The following LRP1B variants were observed in gnomAD, a reference collection of about 807,000 sequenced individuals.
The protein encoded by LRP1B is low-density lipoprotein receptor-related protein 1B.
In LRP1B, 217 loss-of-function variants were observed where a neutral mutation model predicts 556.6. The observed-to-expected ratio is 0.39, with a 90% CI of 0.35 to 0.44. LRP1B has a LOEUF of 0.44. Among genes scored for constraint, LRP1B ranks in the 20% least tolerant of loss-of-function variants. The pLI is 1.00. For missense variants in LRP1B, 5,053 were observed against 5,620.8 expected (o/e 0.90, Z 3.23); for synonymous variants, 2,047 against 1,865.8 (o/e 1.10, Z -2.50).
chr2:141,312,997 T>C (rs535061016), intron 3 of LRP1B, among the ~76,000 whole-genome samples: 2 of 152,246 alleles, frequency 1.3e-5, no homozygotes, highest in African/African-American at 4.8e-5. Flanking sequence ...TTCTTTTATT[T>C]AAAAACTTTC....
intron 1 of LRP1B, among the ~76,000 whole-genome samples, chr2:142,023,696 T>G (rs1255586701): frequency 2.0e-5 from 3 of 152,208 alleles, no homozygotes; most frequent in African/African-American, 7.2e-5. Flanking sequence ...AATTAATGAA[T>G]TTCTAAAAGT....
At chr2:141,624,036 C>CAAAAAAAAAAAAAAAAAAAAAA in intron 2 of LRP1B, among the ~76,000 whole-genome samples, 139 of 90,682 alleles carry the variant, frequency 1.5e-3, no homozygotes, top group East Asian at 2.2e-3. Context: ...AAAAATTAAA[C>CAAAAAAAAAAAAAAAAAAAAAA]AAAAAAAAAA....
intron 41 of LRP1B, among the ~76,000 whole-genome samples, chr2:140,617,391 A>T (rs564485210): frequency 6.6e-6 from 1 of 151,990 alleles, no homozygotes; most frequent in Admixed American, 6.6e-5. Context: ...TTATCAACAA[A>T]TCTAGTTATA....
chr2:141,818,825 C>T (rs980724003), intron 1 of LRP1B, among the ~76,000 whole-genome samples: 2 of 151,602 alleles, frequency 1.3e-5, no homozygotes, highest in South Asian at 4.2e-4. Context: ...CGTGAGCTAC[C>T]GCACCTGGAT....
intron 35 of LRP1B, among the ~76,000 whole-genome samples, chr2:140,751,061 C>T (rs891184533): frequency 1.6e-4 from 23 of 143,766 alleles, no homozygotes; most frequent in Admixed American, 5.9e-4. Context: ...GGCGTGATCT[C>T]GGCTCACTGC....
At chr2:141,328,253 G>T (rs1687501960) in intron 3 of LRP1B, among the ~76,000 whole-genome samples, 1 of 152,092 alleles carries the variant, frequency 6.6e-6, no homozygotes, top group South Asian at 2.1e-4. Flanking sequence ...AACTTTCTCA[G>T]CTGTAACCTG....
At chr2:142,016,773 C>T (rs1401458993) in intron 1 of LRP1B, among the ~76,000 whole-genome samples, 1 of 150,732 alleles carries the variant, frequency 6.6e-6, no homozygotes, top group Non-Finnish European at 1.5e-5. Context: ...ACGTGTATAC[C>T]TATGTAACAA....
At chr2:141,394,058 C>T (rs1004288673) in intron 3 of LRP1B, among the ~76,000 whole-genome samples, 2 of 151,860 alleles carry the variant, frequency 1.3e-5, no homozygotes, top group Non-Finnish European at 2.9e-5. Context: ...ATACTATGTC[C>T]CTGACTTAAT....
chr2:142,018,988 A>G (rs1230911926), intron 1 of LRP1B, among the ~76,000 whole-genome samples: 2 of 152,230 alleles, frequency 1.3e-5, no homozygotes, highest in Non-Finnish European at 2.9e-5. Context: ...TGGGAATGTT[A>G]TAGCTCTCAT....
At chr2:141,016,716 C>T (rs1697910915) in intron 12 of LRP1B, among the ~76,000 whole-genome samples, 1 of 152,100 alleles carries the variant, frequency 6.6e-6, no homozygotes, top group Admixed American at 6.6e-5. Flanking sequence ...AAACCCACCA[C>T]ATGTGTTGTT....
At chr2:141,523,178 C>T (rs1684583826) in intron 2 of LRP1B, among the ~76,000 whole-genome samples, 1 of 150,996 alleles carries the variant, frequency 6.6e-6, no homozygotes, top group African/African-American at 2.5e-5. Context: ...ATGCTCAGGG[C>T]ATGAAAGAGA....
intron 43 of LRP1B, among the ~76,000 whole-genome samples, chr2:140,575,249 G>T (rs1188982014): frequency 6.6e-6 from 1 of 152,108 alleles, no homozygotes; most frequent in East Asian, 1.9e-4. Context: ...TATGAAATGG[G>T]AAAAGTTATC....
chr2:140,369,543 G>A (rs1002035228), intron 71 of LRP1B, among the ~76,000 whole-genome samples: 1 of 151,786 alleles, frequency 6.6e-6, no homozygotes. Flanking sequence ...AAGGTAGAAA[G>A]AGCCGTTATA....
intron 2 of LRP1B, among the ~76,000 whole-genome samples, chr2:141,638,300 T>A (rs905105262): frequency 2.0e-4 from 30 of 152,192 alleles, no homozygotes; most frequent in Non-Finnish European, 2.1e-4. Context: ...TGGAAGCTTC[T>A]TGGAAGCCCT....
At chr2:140,613,828 G>A (rs149480999) in intron 41 of LRP1B, among the ~76,000 whole-genome samples, 9 of 152,144 alleles carry the variant, frequency 5.9e-5, no homozygotes, top group South Asian at 2.1e-4. Context: ...CTTGATAATA[G>A]TCCACTGAAC....
intron 1 of LRP1B, among the ~76,000 whole-genome samples, chr2:142,016,521 C>T (rs13399101): frequency 6.6e-6 from 1 of 152,014 alleles, no homozygotes; most frequent in Middle Eastern, 3.2e-3. Context: ...AGTTCATGAC[C>T]TTTGCAGGGA....
chr2:140,876,304 A>G (rs1452235652), intron 25 of LRP1B, among the ~76,000 whole-genome samples: 1 of 152,188 alleles, frequency 6.6e-6, no homozygotes, highest in Non-Finnish European at 1.5e-5. Flanking sequence ...ATATACTCCT[A>G]TGAACACAAT....
intron 77 of LRP1B, among the ~76,000 whole-genome samples, chr2:140,345,720 A>G (rs1336462290): frequency 7.4e-6 from 1 of 134,652 alleles, no homozygotes; most frequent in East Asian, 2.0e-4. Context: ...ATATATGTAT[A>G]TATATACACA....
chr2:141,539,779 AT>A (rs1426027701), intron 2 of LRP1B, among the ~76,000 whole-genome samples: 1 of 152,208 alleles, frequency 6.6e-6, no homozygotes, highest in Non-Finnish European at 1.5e-5. Context: ...TATTGTTCCA[AT>A]AAAACTGTAT....
Sources: allele counts gnomAD v4.1 joint callset (sites outside exome capture counted in the v4.1 genomes callset), GRCh38; gene constraint gnomAD v4.1.1; transcripts MANE v1.5; gene names NCBI Gene and HGNC (gene_info 2026-07-23, HGNC 2026-07-21).